The following FARP1 variants were observed in gnomAD, a reference collection of about 807,000 sequenced individuals.
The protein encoded by FARP1 is FERM, ARH/RhoGEF and pleckstrin domain protein 1.
FARP1 carries 52 observed loss-of-function variants against 128.8 expected under a neutral mutation model. The observed-to-expected ratio is 0.40, with a 90% confidence interval of 0.32 to 0.51. The LOEUF is 0.51. Ranked by LOEUF, FARP1 falls within the 20% of genes least tolerant of loss-of-function variation. The pLI, the probability that FARP1 is intolerant of heterozygous loss-of-function variation, is 0.45. For synonymous variants in FARP1, 580 were observed against 551.8 expected (o/e 1.05, Z -0.72); for missense variants, 1,333 against 1,367.9 (o/e 0.97, Z 0.40).
intron 2 of FARP1, among the ~76,000 whole-genome samples, chr13:98,293,914 G>T (rs1205249156): frequency 1.3e-5 from 2 of 152,142 alleles, no homozygotes; most frequent in Non-Finnish European, 2.9e-5. Context: ...ATCATGGCAG[G>T]GTTCCCAGAT....
In FARP1 at chr13:98,397,991, A is replaced by G. The variant is rs549409573; in HGVS notation, c.1414+2515A>G. The stretch of plus-strand genomic sequence containing the variant: ...TATTGAAAAGAGTCCTAACAAGGAT[A>G]GCTCCCTGATGTGCCACCATACCAG... On this transcript the variant is annotated intron_variant, in intron 13 of 26. Transcript: ENST00000319562. The G allele has an allele frequency of 5.3e-5, 8 of 151,922 alleles. No homozygotes were observed. The South Asian group carries it at 1.7e-3, about 32-fold the overall frequency. The allele number at this position is 151,922 out of a possible 1,614,324, so 9.4% of individuals were successfully genotyped here.
chr13:98,410,866 A>T (rs1375737864), intron 15 of FARP1, 43 bp downstream of exon 15: 1 of 984,584 alleles, frequency 1.0e-6, no homozygotes, highest in Admixed American at 1.9e-5. Context: ...TACATGATTT[A>T]TCTCAGCTAA....
At chr13:98,399,860 C>T (rs986893628) in intron 13 of FARP1, 3 of 152,134 alleles carry the variant, frequency 2.0e-5, no homozygotes, top group African/African-American at 4.8e-5. Context: ...CCTTTGCTGC[C>T]GCTTGTTAAG....
chr13:98,412,741 A>G (rs912294067), intron 16 of FARP1, among the ~76,000 whole-genome samples: 3 of 152,246 alleles, frequency 2.0e-5, no homozygotes, highest in African/African-American at 7.2e-5. Context: ...CACATGCAGA[A>G]TCCTCTACAC....
At chr13:98,166,831 G>A (rs562624477) in intron 1 of FARP1, among the ~76,000 whole-genome samples, 16 of 151,356 alleles carry the variant, frequency 1.1e-4, no homozygotes, top group South Asian at 2.1e-4. Context: ...TCAAGGGATC[G>A]TCCTACCTCA....
chr13:98,245,619 A>G (rs1883009798), intron 2 of FARP1, among the ~76,000 whole-genome samples: 1 of 152,256 alleles, frequency 6.6e-6, no homozygotes, highest in Admixed American at 6.5e-5. Flanking sequence ...CATTATTAAT[A>G]CAAGAGGAAT....
chr13:98,431,343 A>C, intron 18 of FARP1, 63 bp downstream of exon 18: 1 of 1,204,202 alleles, frequency 8.3e-7, no homozygotes, highest in Non-Finnish European at 1.2e-6. Flanking sequence ...GTGCTCCCAG[A>C]CTGAGCCCAG....
At position 98,409,473 on chromosome 13, in the gene FARP1, T is replaced by C; in HGVS notation, c.1550T>C (p.Leu517Pro). The C allele has an allele frequency of 1.2e-5, 19 of 1,613,912 alleles. No homozygotes were observed. Among genetic ancestry groups the C allele is most frequent in the Non-Finnish European group, 1.6e-5 (19 of 1,179,948 alleles). The change falls in exon 14 of 27, where the codon CTG becomes CCG. Residue 517 changes from leucine (L) to proline (P), a missense_variant. This residue lies in a region of FARP1 where 1,009 missense variants were observed against 969.8 expected (regional missense o/e 1.04). Transcript: ENST00000319562. ...KQASPLISPL[L>P]NDQACPRTDD... is the part of the protein sequence containing the mutation. ...GCCTCTCCCTTGATCAGCCCGCTGC[T>C]GAATGACCAGGCCTGCCCCCGGACG...
intron 2 of FARP1, among the ~76,000 whole-genome samples, chr13:98,267,699 C>G (rs1363712700): frequency 6.6e-6 from 1 of 152,252 alleles, no homozygotes; most frequent in Non-Finnish European, 1.5e-5. Context: ...TGTATGTCCC[C>G]TCACCCTGCA....
chr13:98,322,908 C>T (rs1887063784), intron 2 of FARP1, among the ~76,000 whole-genome samples: 1 of 152,110 alleles, frequency 6.6e-6, no homozygotes, highest in African/African-American at 2.4e-5. Context: ...GACCTTTTGG[C>T]AGAATAGCTA....
At chr13:98,244,597 T>C (rs1882959677) in intron 2 of FARP1, 16 of 1,614,178 alleles carry the variant, frequency 9.9e-6, no homozygotes, top group Non-Finnish European at 1.4e-5. Flanking sequence ...ATTGAGAAGT[T>C]TGGAGAGGAC....
At chr13:98,231,248 G>A (rs1399343572) in intron 2 of FARP1, among the ~76,000 whole-genome samples, 8 of 151,946 alleles carry the variant, frequency 5.3e-5, no homozygotes, top group South Asian at 2.1e-4. Context: ...ATATTTGGAC[G>A]GAGGACACAG....
intron 5 of FARP1, among the ~76,000 whole-genome samples, chr13:98,370,591 T>G (rs1594454936): frequency 1.4e-5 from 2 of 139,880 alleles, no homozygotes; most frequent in African/African-American, 2.7e-5. Flanking sequence ...GGAGATGGTG[T>G]TGGGGGTTAC....
In FARP1 at chr13:98,450,951, A is replaced by C. The variant is rs1440813898; in HGVS notation, c.*2634A>C. The C allele has an allele frequency of 6.6e-6, 1 of 152,210 alleles. No homozygotes were observed. The highest frequency in any genetic ancestry group is 1.5e-5 in the Non-Finnish European group (1 of 68,070). 9.4% of individuals were successfully genotyped at this position (152,210 alleles called of 1,614,324 possible). On this transcript the variant is annotated 3_prime_UTR_variant, in exon 27 of 27. Transcript: ENST00000319562. ...TCCATCAAACCCCACCTCCCCCGAC[A>C]GGAAATGCTGCCAGTCAACTCTAAA... is the stretch of plus-strand genomic sequence containing the variant.
intron 2 of FARP1, among the ~76,000 whole-genome samples, chr13:98,301,946 G>A (rs1301826188): frequency 7.0e-6 from 1 of 143,678 alleles, no homozygotes; most frequent in African/African-American, 2.6e-5. Context: ...CCTGTCTGTC[G>A]ACTTTAAAAT....
intron 16 of FARP1, among the ~76,000 whole-genome samples, chr13:98,415,764 T>C (rs1030016314): frequency 4.6e-5 from 7 of 152,298 alleles, no homozygotes; most frequent in Admixed American, 1.3e-4. Flanking sequence ...CGCATGTGTG[T>C]GTTCAGTGCA....
At chr13:98,352,447 G>A (rs896161853) in intron 3 of FARP1, among the ~76,000 whole-genome samples, 7 of 152,152 alleles carry the variant, frequency 4.6e-5, no homozygotes, top group Admixed American at 4.6e-4. Flanking sequence ...AGCCCATATG[G>A]AACTGAGTTG....
Position 98,349,699 on chromosome 13 carries a change from A to G in FARP1, c.276+5833A>G, listed in dbSNP as rs971337423. ...AAAAAAAAAAAAAAAAAAAAAAAAA[A>G]AAAGACAATGCTTACTGGCCTGATA... On this transcript the variant is annotated intron_variant, in intron 3 of 26. Transcript: ENST00000319562. 8.3e-4 allele frequency among the ~76,000 whole-genome samples: 119 copies of G among 143,802 alleles called. 1 individual carries two copies. The highest frequency in any genetic ancestry group is 3.0e-3 in the African/African-American group (117 of 38,722). 94.3% of individuals were successfully genotyped at this position (143,802 alleles called of 152,430 possible).
intron 2 of FARP1, among the ~76,000 whole-genome samples, chr13:98,238,100 A>G (rs1240635519): frequency 3.9e-5 from 6 of 152,186 alleles, no homozygotes; most frequent in Non-Finnish European, 7.4e-5. Context: ...TTTTAGAAAA[A>G]GGTTTGACTT....
Sources: gnomAD v4.1 joint callset for allele counts (sites outside exome capture counted in the v4.1 genomes callset) on GRCh38, gnomAD v4.1.1 for gene constraint, gnomAD v4.1.1 regional missense constraint, MANE v1.5 for transcripts, NCBI Gene and HGNC (gene_info 2026-07-23, HGNC 2026-07-21) for gene names.